Variants in CIMIP2A observed in about 807,000 individuals in gnomAD.
The protein encoded by CIMIP2A is family with sequence similarity 166 member A.
At chr9:137,245,310 G>C in the CIMIP2A span, 1 of 1,585,136 alleles carries the variant, frequency 6.3e-7, no homozygotes, top group Non-Finnish European at 8.6e-7. Flanking sequence ...TGGCTGCCTG[G>C]TGCTGCCTGG....
the CIMIP2A span, chr9:137,244,192 A>T: frequency 1.2e-6 from 2 of 1,613,854 alleles, no homozygotes; most frequent in Non-Finnish European, 1.7e-6. Context: ...CCCATGTAGA[A>T]GGGGATCAGG....
At chr9:137,251,279 A>G in the CIMIP2A span, 1 of 1,578,434 alleles carries the variant, frequency 6.3e-7, no homozygotes, top group South Asian at 1.1e-5. Context: ...GAGAGCCAGG[A>G]GACTCTGATG....
At chr9:137,245,566 A>G in the CIMIP2A span, 1 of 1,613,704 alleles carries the variant, frequency 6.2e-7, no homozygotes, top group South Asian at 1.1e-5. Context: ...ACCTGTACCA[A>G]CAGGGCAGCC....
At chr9:137,245,772 G>C in the CIMIP2A span, 2 of 1,556,372 alleles carry the variant, frequency 1.3e-6, no homozygotes, top group Non-Finnish European at 1.7e-6. Context: ...TCTGCACACT[G>C]GGGTCTGTGA....
At chr9:137,251,808 A>G in the CIMIP2A span, 10 of 1,600,744 alleles carry the variant, frequency 6.2e-6, no homozygotes, top group Non-Finnish European at 8.5e-6. Flanking sequence ...GCCCCCAAAG[A>G]TGAAGGAGAT....
the CIMIP2A span, chr9:137,244,128 A>G: frequency 3.2e-6 from 5 of 1,586,418 alleles, no homozygotes; most frequent in Admixed American, 1.7e-5. Flanking sequence ...CCCTCCCCAC[A>G]TTGGCCGGGG....
At chr9:137,243,703 T>TA in the CIMIP2A span, 1 of 1,614,158 alleles carries the variant, frequency 6.2e-7, no homozygotes, top group Non-Finnish European at 8.5e-7. Context: ...AGCATTTTCA[T>TA]AGTGTGTGGT....
chr9:137,252,214 A>C, the CIMIP2A span: 1 of 1,536,174 alleles, frequency 6.5e-7, no homozygotes. Context: ...TCTGTGCTGA[A>C]ACCCCCACGG....
the CIMIP2A span, chr9:137,253,430 G>C: frequency 6.9e-7 from 1 of 1,443,546 alleles, no homozygotes; most frequent in Non-Finnish European, 9.1e-7. Flanking sequence ...GCCCAGCCTG[G>C]ATCCCCCATC....
At chr9:137,244,342 G>A in the CIMIP2A span, 1 of 1,608,950 alleles carries the variant, frequency 6.2e-7, no homozygotes, top group Non-Finnish European at 8.5e-7. Context: ...CAAACAGATA[G>A]TCAAGTTGTC....
the CIMIP2A span, chr9:137,244,859 C>A: frequency 6.4e-7 from 1 of 1,564,128 alleles, no homozygotes; most frequent in Non-Finnish European, 8.6e-7. Flanking sequence ...TGAACGTTGG[C>A]GACTGTCTGA....
the CIMIP2A span, chr9:137,252,617 G>A: frequency 4.5e-5 from 69 of 1,518,480 alleles, no homozygotes; most frequent in Non-Finnish European, 5.8e-5. Context: ...CTGAGGGTCC[G>A]TGGGGAGCAC....
the CIMIP2A span, chr9:137,245,725 G>A: frequency 2.1e-4 from 342 of 1,602,658 alleles, no homozygotes; most frequent in Middle Eastern, 2.2e-3. Flanking sequence ...AATGAACTTG[G>A]GTTTGGACAT....
At chr9:137,244,350 G>GTCTA in the CIMIP2A span, 3 of 1,607,780 alleles carry the variant, frequency 1.9e-6, no homozygotes, top group Non-Finnish European at 2.6e-6. Flanking sequence ...TAGTCAAGTT[G>GTCTA]TCCCAGTGGG....
chr9:137,245,807 A>G, the CIMIP2A span: 84 of 1,519,362 alleles, frequency 5.5e-5, no homozygotes, highest in Non-Finnish European at 7.4e-5. Flanking sequence ...GTACGCCCAT[A>G]GGTGTTCCCC....
the CIMIP2A span, chr9:137,252,822 T>C: frequency 6.4e-7 from 1 of 1,568,456 alleles, no homozygotes; most frequent in East Asian, 2.4e-5. Context: ...CAGTCCCTGC[T>C]TCAGGCCTCT....
chr9:137,243,902 G>GGT, the CIMIP2A span: 1 of 1,209,838 alleles, frequency 8.3e-7, no homozygotes, highest in Non-Finnish European at 1.2e-6. Flanking sequence ...GTATCTGCTT[G>GGT]GTGGGGAACT....
At chr9:137,254,642 G>A in the CIMIP2A span, among the ~76,000 whole-genome samples, 2 of 152,224 alleles carry the variant, frequency 1.3e-5, no homozygotes, top group African/African-American at 4.8e-5. Flanking sequence ...TGTGTAGGGG[G>A]CTTGGCGCGG....
At chr9:137,252,925 G>C in the CIMIP2A span, 2 of 1,600,152 alleles carry the variant, frequency 1.2e-6, no homozygotes, top group African/African-American at 1.3e-5. Flanking sequence ...CGGCCTTCTC[G>C]ATGAGCCGCT....
Sources: gnomAD v4.1 joint callset for allele counts (sites outside exome capture counted in the v4.1 genomes callset) on GRCh38, gnomAD v4.1.1 for gene constraint, MANE v1.5 for transcripts, NCBI Gene and HGNC (gene_info 2026-07-23, HGNC 2026-07-21) for gene names.